The following AKAP1 variants were observed in gnomAD, a reference collection of about 807,000 sequenced individuals.
AKAP1 encodes the protein A-kinase anchor protein 1, mitochondrial.
A neutral mutation model predicts 79.8 loss-of-function variants in AKAP1; 32 were observed. The observed-to-expected ratio is 0.40, with a 90% CI of 0.30 to 0.54. The LOEUF (loss-of-function observed/expected upper bound fraction) is 0.54. Among genes scored for constraint, AKAP1 ranks in the 20% least tolerant of loss-of-function variants. The probability of loss-of-function intolerance (pLI) is 0.47; values close to 1 mark genes in which losing one functional copy is unlikely to be tolerated. For missense variants in AKAP1, 961 were observed against 1,138.9 expected (o/e 0.84, Z 2.25); for synonymous variants, 416 against 466.7 (o/e 0.89, Z 1.40).
intron 10 of AKAP1, 103 bp from the exon 11 acceptor site, chr17:57,120,146 TC>T: frequency 1.0e-6 from 1 of 959,814 alleles, no homozygotes; most frequent in South Asian, 1.5e-5. Flanking sequence ...CTCTCATACA[TC>T]TGTTGCCTGC....
chr17:57,114,450 C>G lies in AKAP1; in HGVS notation c.2104-9C>G, dbSNP rs776963691. 5 of 1,613,594 alleles carry G rather than the reference C, an allele frequency of 3.1e-6. No individual in the cohort carries two copies. Among genetic ancestry groups the G allele is most frequent in the Non-Finnish European group, 4.2e-6 (5 of 1,179,846 alleles). ...TGTTTCAGTGACCGCTCCCCCTTCC[C>G]CTCTACAGCTCATGCTGCCTGATGG... is the stretch of plus-strand genomic sequence containing the variant. On this transcript the variant is annotated splice_polypyrimidine_tract_variant and intron_variant, in intron 5 of 10. Coordinates refer to ENST00000337714, the MANE Select transcript of AKAP1 (RefSeq NM_003488.4).
rs1212358289 is a variant in AKAP1, at chr17:57,105,376, G to A, written c.-24-65G>A. ...ACCCTGTTGACTGTCTTGCATGTGCGGTTGCCAGTATCCTCCTACCTGGCT... is the reference window on the plus strand; with the variant it reads ...ACCCTGTTGACTGTCTTGCATGTGCAGTTGCCAGTATCCTCCTACCTGGCT... On this transcript the variant is annotated intron_variant, in intron 1 of 10. Transcript: ENST00000337714. 6.1e-6 allele frequency: 9 copies of A among 1,468,012 alleles called. No homozygotes were observed. The East Asian group carries it at 6.8e-5, about 11-fold the overall frequency. 90.9% of individuals were successfully genotyped at this position (1,468,012 alleles called of 1,614,324 possible). A position where few individuals can be genotyped will look rare whatever the true frequency, so the allele number is the denominator to read the frequency against.
chr17:57,106,881 G>A lies in AKAP1; in HGVS notation c.1417G>A (p.Glu473Lys). 1 of 1,613,934 alleles carries A rather than the reference G, an allele frequency of 6.2e-7. No homozygotes were observed. The highest frequency in any genetic ancestry group is 8.5e-7 in the Non-Finnish European group (1 of 1,179,778). ...SCLALTTPSEELPDRAGILVE... is the reference protein window; with the variant it reads ...SCLALTTPSEKLPDRAGILVE... ...CCTGGCACTGACCACCCCCAGTGAA[G>A]AGTTGCCGGACCGGGCAGGCATCCT... Residue 473 changes from glutamate (E) to lysine (K), a missense_variant, in exon 2 of 11, where the codon GAG becomes AAG. This residue lies in a region of AKAP1 where 629 missense variants were observed against 781.1 expected (regional missense o/e 0.81). Transcript: ENST00000337714.
At chr17:57,089,751 A>G (rs1913669446) in intron 1 of AKAP1, among the ~76,000 whole-genome samples, 1 of 152,214 alleles carries the variant, frequency 6.6e-6, no homozygotes, top group Non-Finnish European at 1.5e-5. Flanking sequence ...TCCATGGCAT[A>G]CTACAAGTGA....
At chr17:57,102,162 C>A (rs1360101085) in intron 1 of AKAP1, among the ~76,000 whole-genome samples, 1 of 152,220 alleles carries the variant, frequency 6.6e-6, no homozygotes, top group African/African-American at 2.4e-5. Context: ...GTGGCAACTC[C>A]TGGACTTCAG....
At chr17:57,111,296 G>A (rs185677106) in intron 3 of AKAP1, among the ~76,000 whole-genome samples, 3 of 152,224 alleles carry the variant, frequency 2.0e-5, no homozygotes, top group Admixed American at 6.5e-5. Flanking sequence ...ACTTGGCAGC[G>A]GGAGCCCAGG....
chr17:57,102,463 G>A (rs920237585), intron 1 of AKAP1, among the ~76,000 whole-genome samples: 29 of 150,820 alleles, frequency 1.9e-4, no homozygotes, highest in Non-Finnish European at 1.2e-4. Context: ...TCCCTTGGCT[G>A]TATGCCTTGA....
chr17:57,106,088 C>T lies in AKAP1; in HGVS notation c.624C>T (p.Ala208=), dbSNP rs776540472. Residue 208 remains alanine, a synonymous_variant, in exon 2 of 11, where the codon GCC becomes GCT. Coordinates refer to ENST00000337714, the MANE Select transcript of AKAP1 (RefSeq NM_003488.4). ...ETGGAEGTGD[A]VLGEKVLEEA... ...GTGGGGCCGAAGGGACTGGTGATGC[C>T]GTGTTGGGGGAAAAGGTGCTTGAAG... The T allele has an allele frequency of 3.1e-5, 50 of 1,605,774 alleles. No homozygotes were observed. The African/African-American group carries it at 3.6e-4, about 12-fold the overall frequency.
intron 1 of AKAP1, chr17:57,094,163 A>C (rs1913948708): frequency 6.6e-6 from 1 of 151,910 alleles, no homozygotes; most frequent in Non-Finnish European, 1.5e-5. Flanking sequence ...TCATTGGGGG[A>C]AAGTGGCTCT....
chr17:57,107,061 A>G lies in AKAP1; in HGVS notation c.1597A>G (p.Thr533Ala). Residue 533 changes from threonine (T) to alanine (A), a missense_variant, in exon 2 of 11, where the codon ACC (threonine) becomes GCC (alanine). Coordinates refer to ENST00000337714, the MANE Select transcript of AKAP1 (RefSeq NM_003488.4). ...TSSSPRDKAI[T>A]PPLPESTVPF... ...CTCGAGCCCCAGGGACAAGGCCATC[A>G]CCCCGCCACTGCCAGAAAGTACTGT... 6.3e-7 allele frequency: 1 copy of G among 1,588,558 alleles called. No homozygotes were observed. The highest frequency in any genetic ancestry group is 1.7e-4 in the Middle Eastern group (1 of 5,742).
intron 8 of AKAP1, among the ~76,000 whole-genome samples, chr17:57,117,550 G>A (rs1260690835): frequency 1.3e-5 from 2 of 152,134 alleles, no homozygotes; most frequent in Non-Finnish European, 2.9e-5. Context: ...CCCTCCCCAG[G>A]TTTGCCCCTT....
At chr17:57,107,932 T>C in intron 2 of AKAP1, 1 of 1,288,046 alleles carries the variant, frequency 7.8e-7, no homozygotes, top group Non-Finnish European at 1.0e-6. Context: ...CTCAGCCATT[T>C]TCTTTCTGTG....
Position 57,086,219 on chromosome 17 carries a change from G to A in AKAP1, c.-25+821G>A, listed in dbSNP as rs1470183169. 3.1e-6 allele frequency: 1 copy of A among 320,130 alleles called. No homozygotes were observed. The highest frequency in any genetic ancestry group is 6.1e-6 in the Non-Finnish European group (1 of 163,096). The allele number at this position is 320,130 out of a possible 1,614,324, so 19.8% of individuals were successfully genotyped here. A position where few individuals can be genotyped will look rare whatever the true frequency, so the allele number is the denominator to read the frequency against. ...CGGTCACGTGTCCGGCCCCGCCTGC[G>A]GCCCAGGGCCCGGGGTCTGCGATCT... On this transcript the variant is annotated intron_variant, in intron 1 of 10. Transcript: ENST00000337714. This position sits in a 1 kb window ranked among gnomAD's most constrained non-coding sequence, Gnocchi z 5.1.
At chr17:57,099,207 G>T (rs950707714) in intron 1 of AKAP1, among the ~76,000 whole-genome samples, 1 of 152,132 alleles carries the variant, frequency 6.6e-6, no homozygotes, top group Non-Finnish European at 1.5e-5. Flanking sequence ...TTGGAGGATG[G>T]TTCACATCTC....
chr17:57,114,666 G>C, intron 6 of AKAP1, 30 bp downstream of exon 6: 2 of 1,589,432 alleles, frequency 1.3e-6, no homozygotes, highest in Non-Finnish European at 1.7e-6. Flanking sequence ...GTCGGGAAGG[G>C]GGACCCCTGG....
At position 57,112,595 on chromosome 17, in the gene AKAP1, C is replaced by T. The variant is rs1308411379; in HGVS notation, c.2080C>T (p.Pro694Ser). The T allele has an allele frequency of 6.2e-7, 1 of 1,613,832 alleles. No individual in the cohort carries two copies. The highest frequency in any genetic ancestry group is 8.5e-7 in the Non-Finnish European group (1 of 1,179,844). ...TCCCCCATTGCCTTCACTGGCACTG[C>T]CTTCTCTGCCGATGACATCCTGGGT... ...YAPPLPSLAL[P>S]SLPMTSWLML... The change falls in exon 5 of 11, where the codon CCT becomes TCT. Residue 694 changes from proline (P) to serine (S), a missense_variant. By Grantham distance (74) the Pro-to-Ser change is moderately conservative (BLOSUM62 -1). Coordinates refer to ENST00000337714, the MANE Select transcript of AKAP1 (RefSeq NM_003488.4).
At chr17:57,111,741 G>A (rs1219312433) in intron 3 of AKAP1, 57 bp from the exon 4 acceptor site, 2 of 1,601,408 alleles carry the variant, frequency 1.2e-6, no homozygotes, top group Non-Finnish European at 8.5e-7. Flanking sequence ...AGGTCTTTGG[G>A]TGTCCAGGGA....
chr17:57,110,747 G>T (rs550710373), intron 3 of AKAP1, among the ~76,000 whole-genome samples: 50 of 152,188 alleles, frequency 3.3e-4, no homozygotes, highest in African/African-American at 1.2e-3. Context: ...TTTAATTTTC[G>T]TGTGTTATTC....
At chr17:57,090,457 C>T (rs1913715803) in intron 1 of AKAP1, among the ~76,000 whole-genome samples, 1 of 150,846 alleles carries the variant, frequency 6.6e-6, no homozygotes, top group Non-Finnish European at 1.5e-5. Flanking sequence ...TGGACCTGGG[C>T]TGGGGCGTGC....
Sources: allele counts gnomAD v4.1 joint callset (sites outside exome capture counted in the v4.1 genomes callset), GRCh38; gene constraint gnomAD v4.1.1; regional missense constraint gnomAD v4.1.1; non-coding constraint Gnocchi (gnomAD v3.1); transcripts MANE v1.5; gene names NCBI Gene and HGNC (gene_info 2026-07-23, HGNC 2026-07-21).